Variants in ORAI2 observed in about 807,000 individuals in gnomAD.
The protein encoded by ORAI2 is ORAI calcium release-activated calcium modulator 2, also known as protein orai-2.
Under a neutral mutation model 16.2 loss-of-function variants are expected in ORAI2, and 10 were observed. That is an observed-to-expected ratio of 0.62 (90% CI 0.38 to 1.04). The LOEUF (loss-of-function observed/expected upper bound fraction) is 1.04, where lower values mean the gene tolerates loss of function less well. Ranked by LOEUF, ORAI2 falls within the 50% of genes least tolerant of loss-of-function variation. The pLI, the probability that ORAI2 is intolerant of heterozygous loss-of-function variation, is 0.01. For missense variants in ORAI2, 238 were observed against 355.5 expected (o/e 0.67, Z 2.66); for synonymous variants, 150 against 157.5 (o/e 0.95, Z 0.35).
In ORAI2 at chr7:102,434,448, G is replaced by T. The variant is rs577507311; in HGVS notation, c.-123+787G>T. Among the ~76,000 whole-genome samples, 15 of 152,294 alleles carry T rather than the reference G, an allele frequency of 9.8e-5. No individual in the cohort carries two copies. The East Asian group carries it at 2.3e-3, about 24-fold the overall frequency. ...CACCCACTCTGGGGACATCTGCAGG[G>T]CCTCACCGATGGGGCATGGGAGGCC... On this transcript the variant is annotated intron_variant, in intron 1 of 3. Transcript: ENST00000495936.
intron 3 of ORAI2, among the ~76,000 whole-genome samples, chr7:102,440,236 A>T (rs1797159694): frequency 6.6e-6 from 1 of 152,114 alleles, no homozygotes; most frequent in Admixed American, 6.5e-5. Context: ...TCAGAGATTG[A>T]TTGGGGTTGG....
chr7:102,438,981 AT>A lies in ORAI2; in HGVS notation c.26del (p.Ile9ThrfsTer47). 6.2e-7 allele frequency: 1 copy of A among 1,613,676 alleles called. No homozygotes were observed. Among genetic ancestry groups the A allele is most frequent in the Non-Finnish European group, 8.5e-7 (1 of 1,179,950 alleles). ...CATGAGTGCTGAGCTTAACGTGCCT[AT>A]CGACCCCTCTGCTCCTGCCTGCCCT... The part of the protein sequence containing the change: MSAELNVP[I>X]DPSAPACPEP... On this transcript the variant is annotated frameshift_variant, in exon 3 of 4. Coordinates refer to ENST00000495936, the MANE Select transcript of ORAI2 (RefSeq NM_001126340.3). LOFTEE classifies it high-confidence loss of function.
chr7:102,443,376 T>G (rs1586713440), intron 3 of ORAI2, among the ~76,000 whole-genome samples: 1 of 151,110 alleles, frequency 6.6e-6, no homozygotes, highest in Non-Finnish European at 1.5e-5. Context: ...CCTTCCGGGT[T>G]CACGCCATTC....
chr7:102,441,094 T>A (rs1797185735), intron 3 of ORAI2, among the ~76,000 whole-genome samples: 2 of 151,624 alleles, frequency 1.3e-5, no homozygotes, highest in Non-Finnish European at 2.9e-5. Context: ...GGTTTCACCA[T>A]GTTGGCCAGG....
chr7:102,443,307 C>T (rs1197498995), intron 3 of ORAI2, among the ~76,000 whole-genome samples: 4 of 142,656 alleles, frequency 2.8e-5, no homozygotes, highest in Non-Finnish European at 6.0e-5. Context: ...CGGAATCTTG[C>T]GCTGTCTGTC....
In ORAI2 at chr7:102,444,764, C is replaced by G. The variant is rs2133231555; in HGVS notation, c.226-1749C>G. Among the ~76,000 whole-genome samples the G allele has an allele frequency of 2.7e-5, 4 of 148,624 alleles. No individual in the cohort carries two copies. The Middle Eastern group carries it at 0.011, about 401-fold the overall frequency. ...CACTGCAACCTCTGCTTCCTAGGTT[C>G]AAGTGATTCTCCTGCCTCCGCTTCC... On this transcript the variant is annotated intron_variant, in intron 3 of 3. Coordinates refer to ENST00000495936, the MANE Select transcript of ORAI2 (RefSeq NM_001126340.3).
At position 102,445,857 on chromosome 7, in the gene ORAI2, CTTCT is replaced by C. The variant is rs1264869024; in HGVS notation, c.226-649_226-646del. ...TTTTCTCTTTCTTTTCTTTCTTTTC[CTTCT>C]TTCTTTTTCTTTTCTTTCTCTCTCT... On this transcript the variant is annotated intron_variant, in intron 3 of 3. Coordinates refer to ENST00000495936, the MANE Select transcript of ORAI2 (RefSeq NM_001126340.3). 1.4e-4 allele frequency among the ~76,000 whole-genome samples: 21 copies of C among 150,952 alleles called. No individual in the cohort carries two copies. In the East Asian group the frequency reaches 2.9e-3, roughly 21 times the overall value.
chr7:102,435,536 C>CTT (rs56680127), intron 1 of ORAI2, among the ~76,000 whole-genome samples: 2 of 121,570 alleles, frequency 1.6e-5, no homozygotes, highest in African/African-American at 6.0e-5. Flanking sequence ...GCCCCCCCCT[C>CTT]TTTTTTTTTT....
chr7:102,447,165 T>C lies in ORAI2; in HGVS notation c.*113T>C, dbSNP rs149567205. ...GCCGGGTAGTTCAAGACCAAAGTTT[T>C]CCTCTTGTCTTAATACCATAAGGAC... On this transcript the variant is annotated 3_prime_UTR_variant, in exon 4 of 4. Coordinates refer to ENST00000495936, the MANE Select transcript of ORAI2 (RefSeq NM_001126340.3). 2,314 of 1,175,558 alleles carry C rather than the reference T, an allele frequency of 2.0e-3. No individual in the cohort carries two copies. The highest frequency in any genetic ancestry group is 2.5e-3 in the Non-Finnish European group (2,146 of 862,306). The allele number at this position is 1,175,558 out of a possible 1,614,324, so 72.8% of individuals were successfully genotyped here.
At chr7:102,438,900 G>T (rs190357010) in intron 2 of ORAI2, 44 bp from the exon 3 acceptor site, 52 of 1,573,808 alleles carry the variant, frequency 3.3e-5, no homozygotes, top group African/African-American at 4.0e-5. Flanking sequence ...CTTCCAGGCC[G>T]CAGTAACCTA....
intron 3 of ORAI2, among the ~76,000 whole-genome samples, chr7:102,442,054 A>G (rs1365120274): frequency 6.6e-6 from 1 of 152,096 alleles, no homozygotes; most frequent in African/African-American, 2.4e-5. Flanking sequence ...CCTAACCTGA[A>G]GCTTAGTTCT....
At chr7:102,434,231 A>C (rs1797002546) in intron 1 of ORAI2, among the ~76,000 whole-genome samples, 2 of 132,218 alleles carry the variant, frequency 1.5e-5, no homozygotes, top group Non-Finnish European at 3.2e-5. Flanking sequence ...GCCCCACCCC[A>C]CCCCCTGCCT....
chr7:102,443,131 C>CT (rs796130520), intron 3 of ORAI2, among the ~76,000 whole-genome samples: 3 of 25,650 alleles, frequency 1.2e-4, no homozygotes, highest in East Asian at 1.5e-3. Flanking sequence ...TCTTCTTCTT[C>CT]TTTTTTTTTT....
intron 3 of ORAI2, among the ~76,000 whole-genome samples, chr7:102,442,172 T>A (rs1480387936): frequency 6.6e-6 from 1 of 152,062 alleles, no homozygotes; most frequent in Non-Finnish European, 1.5e-5. Flanking sequence ...TCCCAGCACT[T>A]TGGGAGGCTG....
At chr7:102,442,237 G>A (rs538389445) in intron 3 of ORAI2, among the ~76,000 whole-genome samples, 2 of 151,760 alleles carry the variant, frequency 1.3e-5, no homozygotes, top group African/African-American at 2.4e-5. Context: ...CCAACATGGG[G>A]AAACCCTGTC....
chr7:102,433,976 G>A lies in ORAI2; in HGVS notation c.-123+315G>A, dbSNP rs1384536827. Among the ~76,000 whole-genome samples, 1 of 151,968 alleles carries A rather than the reference G, an allele frequency of 6.6e-6. No individual in the cohort carries two copies. The highest frequency in any genetic ancestry group is 1.5e-5 in the Non-Finnish European group (1 of 67,938). On this transcript the variant is annotated intron_variant, in intron 1 of 3. Transcript: ENST00000495936. This position sits in a 1 kb window ranked among gnomAD's most constrained non-coding sequence, Gnocchi z 4.6. ...CTGGAGAGAGACACTCGCCATTGCC[G>A]GTGCCCCAGATGCTTAGAGGAAGTC...
chr7:102,445,458 T>G (rs896978750), intron 3 of ORAI2, among the ~76,000 whole-genome samples: 2 of 151,890 alleles, frequency 1.3e-5, no homozygotes, highest in Non-Finnish European at 2.9e-5. Flanking sequence ...GTCAGTTTCC[T>G]TTTTTTGTAG....
At chr7:102,437,159 G>A (rs536269780) in intron 2 of ORAI2, among the ~76,000 whole-genome samples, 1 of 152,284 alleles carries the variant, frequency 6.6e-6, no homozygotes, top group East Asian at 1.9e-4. Flanking sequence ...TGTTTACCAG[G>A]TGTGAGTCCA....
intron 3 of ORAI2, among the ~76,000 whole-genome samples, chr7:102,443,022 T>TAA (rs199751004): frequency 2.2e-4 from 30 of 136,112 alleles, no homozygotes; most frequent in Non-Finnish European, 2.4e-4. Context: ...TCTGTCTCAA[T>TAA]AAAAAAAAAA....
Sources: allele counts gnomAD v4.1 joint callset (sites outside exome capture counted in the v4.1 genomes callset), GRCh38; gene constraint gnomAD v4.1.1; non-coding constraint Gnocchi (gnomAD v3.1); transcripts MANE v1.5; gene names NCBI Gene and HGNC (gene_info 2026-07-23, HGNC 2026-07-21).